Variants in BTBD9 observed in about 807,000 individuals in gnomAD.
BTBD9 encodes BTB/POZ domain-containing protein 9.
In BTBD9, 49 loss-of-function variants were observed where a neutral mutation model predicts 64.3. The ratio of observed to expected loss-of-function variants is 0.76; its 90% CI spans 0.61 to 0.97. BTBD9 has a LOEUF of 0.97. Ranked by LOEUF, BTBD9 falls within the 50% of genes least tolerant of loss-of-function variation. The pLI, the probability that BTBD9 is intolerant of heterozygous loss-of-function variation, is 0.00. For missense variants in BTBD9, 598 were observed against 762.1 expected (o/e 0.78, Z 2.53); for synonymous variants, 260 against 274.7 (o/e 0.95, Z 0.53).
intron 6 of BTBD9, among the ~76,000 whole-genome samples, chr6:38,376,016 T>C: frequency 6.6e-6 from 1 of 152,248 alleles, no homozygotes; most frequent in East Asian, 1.9e-4. Context: ...GTCTGCTGTC[T>C]TATATGTCAT....
At chr6:38,476,238 T>G (rs1412695611) in intron 6 of BTBD9, among the ~76,000 whole-genome samples, 1 of 152,186 alleles carries the variant, frequency 6.6e-6, no homozygotes, top group African/African-American at 2.4e-5. Flanking sequence ...CACAAATTCC[T>G]CCCAGGGATA....
rs1772725194 is a variant in BTBD9 at position 38,510,430 on chromosome 6, A to G, written c.1154+67170T>C. On this transcript the variant is annotated intron_variant, in intron 6 of 10. Coordinates refer to ENST00000481247, the MANE Select transcript of BTBD9 (RefSeq NM_001099272.2). ...TAGGTGAGTCAGCGAGTGAGTGGTG[A>G]GTGAATGTAAAGGCCTAGAACATTA... Among the ~76,000 whole-genome samples, 3 of 152,232 alleles carry G rather than the reference A, an allele frequency of 2.0e-5. No homozygotes were observed. In the South Asian group the frequency reaches 6.2e-4, roughly 32 times the overall value.
chr6:38,614,733 C>A (rs1199593097), intron 1 of BTBD9, among the ~76,000 whole-genome samples: 2 of 152,198 alleles, frequency 1.3e-5, no homozygotes, highest in Admixed American at 1.3e-4. Flanking sequence ...CAATTTACTT[C>A]TTTGCAACTT....
chr6:38,328,564 C>CGTGTGT (rs201357884), intron 7 of BTBD9, among the ~76,000 whole-genome samples: 3,871 of 130,430 alleles, frequency 0.03, 70 homozygotes, highest in African/African-American at 0.048. Flanking sequence ...TTTAAGCCAC[C>CGTGTGT]GTGTGTGTGT....
chr6:38,271,284 C>T (rs1339664559), intron 8 of BTBD9, among the ~76,000 whole-genome samples: 1 of 152,104 alleles, frequency 6.6e-6, no homozygotes, highest in Admixed American at 6.5e-5. Context: ...TGGCAGCCCA[C>T]AAGGCTCATT....
intron 9 of BTBD9, among the ~76,000 whole-genome samples, chr6:38,250,402 A>G (rs959518751): frequency 2.0e-5 from 3 of 152,220 alleles, no homozygotes; most frequent in African/African-American, 4.8e-5. Context: ...AATAATTCTG[A>G]GCACTTGTAA....
intron 6 of BTBD9, among the ~76,000 whole-genome samples, chr6:38,554,965 A>C (rs987145065): frequency 6.6e-6 from 1 of 152,122 alleles, no homozygotes; most frequent in Non-Finnish European, 1.5e-5. Context: ...TTAGAGTGTG[A>C]GTAACATCAA....
intron 8 of BTBD9, among the ~76,000 whole-genome samples, chr6:38,275,754 C>T (rs1195730152): frequency 6.6e-6 from 1 of 152,090 alleles, no homozygotes; most frequent in African/African-American, 2.4e-5. Flanking sequence ...AAAATGCTCA[C>T]CATCACTGGC....
rs1345481948 is a variant in BTBD9, at chr6:38,171,213, AGTT to A, written c.*3769_*3771del. ...ATCTTCTAAATTAAAAAGAAGGTGA[AGTT>A]GACTGGGCTGGAGCCATCTGCACAG... On this transcript the variant is annotated 3_prime_UTR_variant, in exon 11 of 11. Coordinates refer to ENST00000481247, the MANE Select transcript of BTBD9 (RefSeq NM_001099272.2). The A allele has an allele frequency of 6.6e-6, 1 of 152,236 alleles. No homozygotes were observed. The highest frequency in any genetic ancestry group is 1.5e-5 in the Non-Finnish European group (1 of 68,044). 9.4% of individuals were successfully genotyped at this position (152,236 alleles called of 1,614,324 possible). A position where few individuals can be genotyped will look rare whatever the true frequency, so the allele number is the denominator to read the frequency against.
chr6:38,465,737 ATATATATATATATATATATGTATG>A lies in BTBD9; in HGVS notation c.1154+111839_1154+111862del, dbSNP rs1340343999. 5.8e-3 allele frequency among the ~76,000 whole-genome samples: 308 copies of A among 53,260 alleles called. 2 individuals are homozygous for A. The highest frequency in any genetic ancestry group is 0.018 in the African/African-American group (276 of 15,184). The allele number at this position is 53,260 out of a possible 152,430, so 34.9% of individuals were successfully genotyped here. A position where few individuals can be genotyped will look rare whatever the true frequency, so the allele number is the denominator to read the frequency against. ...TATATATATATATATATATATATAT[ATATATATATATATATATATGTATG>A]TATGTATGTATTTCAGTTATTTATT... is the stretch of plus-strand genomic sequence containing the variant. On this transcript the variant is annotated intron_variant, in intron 6 of 10. Coordinates refer to ENST00000481247, the MANE Select transcript of BTBD9 (RefSeq NM_001099272.2).
At chr6:38,403,203 A>G (rs1256288807) in intron 6 of BTBD9, among the ~76,000 whole-genome samples, 1 of 152,202 alleles carries the variant, frequency 6.6e-6, no homozygotes, top group Non-Finnish European at 1.5e-5. Context: ...GACTTCATCA[A>G]AATTTAAAAC....
chr6:38,397,324 A>C (rs1228803708), intron 6 of BTBD9, among the ~76,000 whole-genome samples: 1 of 152,238 alleles, frequency 6.6e-6, no homozygotes. Context: ...AAGCAAGAAA[A>C]GGGCAATTAG....
chr6:38,448,250 A>G, intron 6 of BTBD9, among the ~76,000 whole-genome samples: 1 of 152,214 alleles, frequency 6.6e-6, no homozygotes, highest in Non-Finnish European at 1.5e-5. Flanking sequence ...CTCTAACCTT[A>G]CACATGCAAA....
intron 4 of BTBD9, among the ~76,000 whole-genome samples, chr6:38,586,678 C>T (rs1776544361): frequency 6.6e-6 from 1 of 152,212 alleles, no homozygotes; most frequent in Non-Finnish European, 1.5e-5. Flanking sequence ...TTCAAGTCGT[C>T]AGCCCAGGAA....
At chr6:38,576,384 A>G (rs1290796252) in intron 6 of BTBD9, among the ~76,000 whole-genome samples, 2 of 152,138 alleles carry the variant, frequency 1.3e-5, no homozygotes, top group Admixed American at 1.3e-4. Flanking sequence ...GGGAAATGAA[A>G]TTGATTTTCT....
At chr6:38,610,961 T>C (rs1035384086) in intron 1 of BTBD9, among the ~76,000 whole-genome samples, 10 of 151,908 alleles carry the variant, frequency 6.6e-5, no homozygotes, top group Non-Finnish European at 1.3e-4. Flanking sequence ...ATGGAAAATA[T>C]ATTACAGTGC....
At chr6:38,388,219 C>CAA (rs35755281) in intron 6 of BTBD9, among the ~76,000 whole-genome samples, 27,205 of 102,216 alleles carry the variant, frequency 0.27, 3,271 homozygotes, top group East Asian at 0.6. Flanking sequence ...CTGCCCCTGA[C>CAA]AAAAAAAAAA....
intron 7 of BTBD9, among the ~76,000 whole-genome samples, chr6:38,328,241 G>C (rs998812537): frequency 6.6e-6 from 1 of 152,106 alleles, no homozygotes; most frequent in Non-Finnish European, 1.5e-5. Flanking sequence ...ATTATGGACT[G>C]AACTGTGTCC....
At chr6:38,199,539 A>AT (rs1762385874) in intron 9 of BTBD9, among the ~76,000 whole-genome samples, 1 of 152,222 alleles carries the variant, frequency 6.6e-6, no homozygotes, top group Admixed American at 6.5e-5. Flanking sequence ...CAGAAAAAAA[A>AT]CAAATTTATC....
Sources: allele counts gnomAD v4.1 joint callset (sites outside exome capture counted in the v4.1 genomes callset), GRCh38; gene constraint gnomAD v4.1.1; transcripts MANE v1.5; gene names NCBI Gene and HGNC (gene_info 2026-07-23, HGNC 2026-07-21).